The following KCNH8 variants were observed in gnomAD, a reference collection of about 807,000 sequenced individuals.
KCNH8 encodes the protein voltage-gated delayed rectifier potassium channel KCNH8.
KCNH8 carries 70 observed loss-of-function variants against 103.6 expected under a neutral mutation model. The ratio of observed to expected loss-of-function variants is 0.68; its 90% CI spans 0.56 to 0.82. The LOEUF (loss-of-function observed/expected upper bound fraction) is 0.82, where lower values mean the gene tolerates loss of function less well. Among genes scored for constraint, KCNH8 ranks in the 40% least tolerant of loss-of-function variants. KCNH8 has a pLI of 0.00. For synonymous variants in KCNH8, 498 were observed against 489.4 expected, an observed-to-expected ratio of 1.02 and a Z score of -0.23; for missense variants, 1,217 against 1,329.9, an observed-to-expected ratio of 0.92 and a Z score of 1.32.
chr3:19,303,486 A>C (rs535691809), intron 3 of KCNH8, among the ~76,000 whole-genome samples: 2 of 152,190 alleles, frequency 1.3e-5, no homozygotes, highest in Admixed American at 1.3e-4. Flanking sequence ...AAGTTCAAAA[A>C]TTGGTACCTT....
At chr3:19,393,891 T>C (rs1000378590) in intron 6 of KCNH8, among the ~76,000 whole-genome samples, 20 of 152,096 alleles carry the variant, frequency 1.3e-4, no homozygotes, top group African/African-American at 4.6e-4. Flanking sequence ...GAGCTTGGAG[T>C]GTTTGCATCT....
At chr3:19,230,391 A>G (rs1345727880) in intron 1 of KCNH8, among the ~76,000 whole-genome samples, 1 of 152,248 alleles carries the variant, frequency 6.6e-6, no homozygotes, top group Admixed American at 6.5e-5. Flanking sequence ...TAAATTTTAC[A>G]GTTGCAAACA....
intron 8 of KCNH8, among the ~76,000 whole-genome samples, chr3:19,442,173 A>C (rs1175660286): frequency 6.6e-6 from 1 of 152,186 alleles, no homozygotes; most frequent in Non-Finnish European, 1.5e-5. Flanking sequence ...GAAGAGCTAC[A>C]ATGTGCCAGG....
intron 11 of KCNH8, among the ~76,000 whole-genome samples, chr3:19,506,874 C>T (rs1420455771): frequency 1.3e-5 from 2 of 151,982 alleles, no homozygotes; most frequent in African/African-American, 4.8e-5. Flanking sequence ...ACATAGGTCA[C>T]AGAGTAGACA....
At position 19,283,130 on chromosome 3, in the gene KCNH8, C is replaced by T. The variant is rs138512414; in HGVS notation, c.442+1801C>T. ...TCAAATTATATTCTTCTTCTTTTCC[C>T]GGAAATAGCTAAGTTAAGGAGCAGA... On this transcript the variant is annotated intron_variant, in intron 3 of 15. Transcript: ENST00000328405. Among the ~76,000 whole-genome samples the T allele has an allele frequency of 8.9e-4, 136 of 152,202 alleles. 2 individuals carry two copies. In the East Asian group the frequency reaches 0.019, roughly 22 times the overall value.
chr3:19,373,205 C>T (rs28875908), intron 5 of KCNH8, among the ~76,000 whole-genome samples: 43,802 of 151,676 alleles, frequency 0.29, 6,847 homozygotes, highest in African/African-American at 0.4. Flanking sequence ...CCTCCTTGTA[C>T]CTCTGGTAGA....
At chr3:19,375,293 C>G (rs1183024182) in intron 5 of KCNH8, among the ~76,000 whole-genome samples, 1 of 149,496 alleles carries the variant, frequency 6.7e-6, no homozygotes, top group Non-Finnish European at 1.5e-5. Context: ...TTCTTGGAGG[C>G]TTTGCTCATT....
intron 15 of KCNH8, among the ~76,000 whole-genome samples, chr3:19,531,522 G>T (rs1051766333): frequency 1.3e-5 from 2 of 152,178 alleles, no homozygotes; most frequent in African/African-American, 4.8e-5. Flanking sequence ...CAAGTATTCA[G>T]TTGAATCCCT....
At chr3:19,530,921 C>G (rs527742531) in intron 15 of KCNH8, among the ~76,000 whole-genome samples, 32 of 152,290 alleles carry the variant, frequency 2.1e-4, no homozygotes, top group African/African-American at 7.7e-4. Context: ...TCCCATTTTA[C>G]AAGTTGAGAA....
chr3:19,350,128 C>A (rs919685590), intron 5 of KCNH8, among the ~76,000 whole-genome samples: 2 of 152,048 alleles, frequency 1.3e-5, no homozygotes, highest in Non-Finnish European at 2.9e-5. Context: ...TTTATTATAG[C>A]ATATTTAGAA....
chr3:19,367,434 A>G (rs1049970906), intron 5 of KCNH8, among the ~76,000 whole-genome samples: 7 of 146,450 alleles, frequency 4.8e-5, no homozygotes, highest in African/African-American at 1.7e-4. Context: ...TATATATATC[A>G]TAATATATAT....
rs144822175 is a variant in KCNH8 at position 19,312,484 on chromosome 3, G to A, written c.443-30103G>A. On this transcript the variant is annotated intron_variant, in intron 3 of 15. Transcript: ENST00000328405. The stretch of plus-strand genomic sequence containing the variant: ...GGCTTGAGTTTCCTCGTACATACTC[G>A]GAATATATTGGATTATATTACTTCT... 2.4e-3 allele frequency among the ~76,000 whole-genome samples: 357 copies of A among 151,832 alleles called. 1 individual carries two copies. Among genetic ancestry groups the A allele is most frequent in the African/African-American group, 7.6e-3 (315 of 41,418 alleles).
intron 6 of KCNH8, among the ~76,000 whole-genome samples, chr3:19,391,348 T>C (rs1217865199): frequency 6.6e-6 from 1 of 152,074 alleles, no homozygotes; most frequent in Non-Finnish European, 1.5e-5. Context: ...TTCTTAAAAG[T>C]ATTAAATGCT....
chr3:19,296,950 A>G (rs1045725714), intron 3 of KCNH8, among the ~76,000 whole-genome samples: 3 of 152,160 alleles, frequency 2.0e-5, no homozygotes, highest in African/African-American at 7.2e-5. Context: ...TTAGAAATAG[A>G]ATATTCCAAT....
chr3:19,215,182 G>A (rs1159527133), intron 1 of KCNH8, among the ~76,000 whole-genome samples: 12 of 152,170 alleles, frequency 7.9e-5, no homozygotes, highest in Non-Finnish European at 1.6e-4. Context: ...TTTATTTGGG[G>A]TAGAGTAGTT....
In KCNH8 at chr3:19,513,067, C is replaced by T. The variant is rs764123756; in HGVS notation, c.2177C>T (p.Ser726Phe). The change falls in exon 13 of 16, where the codon TCC (serine) becomes TTC (phenylalanine). Residue 726 changes from serine (S) to phenylalanine (F), a missense_variant. By Grantham distance (155) the Ser-to-Phe change is radical (BLOSUM62 -2). Transcript: ENST00000328405. ...EEEGEEEEAV[S>F]LSPICTRGSS... ...GAGGGGGAGGAAGAGGAGGCAGTCT[C>T]CCTCTCTCCCATCTGCACAAGGGGA... The T allele has an allele frequency of 1.2e-6, 2 of 1,613,652 alleles. No individual in the cohort carries two copies. Among genetic ancestry groups the T allele is most frequent in the South Asian group, 2.2e-5 (2 of 91,078 alleles).
At chr3:19,330,189 A>G (rs1431102996) in intron 3 of KCNH8, among the ~76,000 whole-genome samples, 1 of 152,142 alleles carries the variant, frequency 6.6e-6, no homozygotes, top group Non-Finnish European at 1.5e-5. Flanking sequence ...TTCTCAGTCT[A>G]GAATTCTCTT....
chr3:19,284,943 A>T (rs1255607463), intron 3 of KCNH8, among the ~76,000 whole-genome samples: 1 of 151,598 alleles, frequency 6.6e-6, no homozygotes, highest in African/African-American at 2.4e-5. Flanking sequence ...AAGGAAGGGA[A>T]TGTCTACTTA....
At chr3:19,163,517 G>A (rs1258298106) in intron 1 of KCNH8, among the ~76,000 whole-genome samples, 1 of 151,944 alleles carries the variant, frequency 6.6e-6, no homozygotes, top group Non-Finnish European at 1.5e-5. Context: ...CAGGGGTTTT[G>A]GGTGTGCCTC....
Sources: gnomAD v4.1 joint callset for allele counts (sites outside exome capture counted in the v4.1 genomes callset) on GRCh38, gnomAD v4.1.1 for gene constraint, MANE v1.5 for transcripts, NCBI Gene and HGNC (gene_info 2026-07-23, HGNC 2026-07-21) for gene names.